Variants in DGKD observed in about 807,000 individuals in gnomAD.
The protein encoded by DGKD is DAG kinase delta.
Under a neutral mutation model 154.4 loss-of-function variants are expected in DGKD, and 68 were observed. The ratio of observed to expected loss-of-function variants is 0.44; its 90% confidence interval spans 0.36 to 0.54. The LOEUF (loss-of-function observed/expected upper bound fraction) is 0.54. Ranked by LOEUF, DGKD falls within the 20% of genes least tolerant of loss-of-function variation. The pLI is 0.00. For synonymous variants in DGKD, 693 were observed against 638.0 expected (o/e 1.09, Z -1.30); for missense variants, 1,343 against 1,593.6 (o/e 0.84, Z 2.68).
intron 3 of DGKD, among the ~76,000 whole-genome samples, chr2:233,424,007 A>C (rs1050882987): frequency 2.0e-5 from 3 of 152,062 alleles, no homozygotes; most frequent in African/African-American, 7.2e-5. Context: ...TTCAGTTCTC[A>C]GTGAGAGGAG....
Position 233,438,563 on chromosome 2 carries a change from CT to C in DGKD, c.1085+187del, listed in dbSNP as rs1402743631. The stretch of plus-strand genomic sequence containing the variant: ...TTAATAGAGGTGCATGGCCTTCCAA[CT>C]TTGAACACAGTGCGCGTGTGCACAC... On this transcript the variant is annotated intron_variant, in intron 9 of 29. Transcript: ENST00000264057. This position sits in a 1 kb window ranked among gnomAD's most constrained non-coding sequence, Gnocchi z 4.1. Among the ~76,000 whole-genome samples, 1 of 152,174 alleles carries C rather than the reference CT, an allele frequency of 6.6e-6. No individual in the cohort carries two copies. The highest frequency in any genetic ancestry group is 1.9e-4 in the East Asian group (1 of 5,190).
intron 17 of DGKD, 82 bp from the exon 18 acceptor site, chr2:233,451,877 ACCGGT>A: frequency 9.2e-7 from 1 of 1,084,290 alleles, no homozygotes; most frequent in Non-Finnish European, 1.4e-6. Context: ...TCTGCAGAAT[ACCGGT>A]CCACCAGCTT....
rs568135773 is a variant in DGKD at position 233,406,733 on chromosome 2, G to A, written c.348+16250G>A. Among the ~76,000 whole-genome samples the A allele has an allele frequency of 7.2e-5, 11 of 152,224 alleles. 1 individual carries two copies. The South Asian group carries it at 2.3e-3, about 32-fold the overall frequency. ...TAGGCCTCACCAGACTGCCAGAAGG[G>A]GTCCATGGCACAGAACAGACGAGGA... On this transcript the variant is annotated intron_variant, in intron 3 of 29. Transcript: ENST00000264057.
At chr2:233,425,814 G>A (rs2062278459) in intron 3 of DGKD, among the ~76,000 whole-genome samples, 2 of 152,128 alleles carry the variant, frequency 1.3e-5, no homozygotes, top group Admixed American at 1.3e-4. Flanking sequence ...CTATTTGTTT[G>A]GTTTCAAATA....
rs1395826052 is a variant in DGKD at position 233,441,344 on chromosome 2, GCAGC to G, written c.1086-541_1086-538del. 6.6e-6 allele frequency among the ~76,000 whole-genome samples: 1 copy of G among 152,190 alleles called. No homozygotes were observed. The highest frequency in any genetic ancestry group is 2.4e-5 in the African/African-American group (1 of 41,440). ...GGACACGCAGCCCGCAGCAGGTCAGGCAGCCTGGGGCTCCAGGGTGACCAGAACA... is the reference window on the plus strand; with the variant it reads ...GGACACGCAGCCCGCAGCAGGTCAGGCTGGGGCTCCAGGGTGACCAGAACA... On this transcript the variant is annotated intron_variant, in intron 9 of 29. Transcript: ENST00000264057. The surrounding 1 kb of genome is among the most constrained non-coding windows in gnomAD (Gnocchi z 5.6).
intron 6 of DGKD, 113 bp from the exon 7 acceptor site, chr2:233,436,203 A>C: frequency 1.5e-4 from 228 of 1,514,870 alleles, no homozygotes; most frequent in Middle Eastern, 3.5e-4. Flanking sequence ...CCATCAGGGA[A>C]GGAGCTTGTT....
intron 24 of DGKD, 107 bp from the exon 25 acceptor site, chr2:233,462,241 T>G (rs1316233085): frequency 5.8e-6 from 5 of 868,032 alleles, no homozygotes; most frequent in East Asian, 2.6e-5. Context: ...GGGCCTGCCC[T>G]CCACATCAGC....
chr2:233,374,122 C>T (rs1702456856), intron 1 of DGKD, among the ~76,000 whole-genome samples: 1 of 150,970 alleles, frequency 6.6e-6, no homozygotes, highest in South Asian at 2.1e-4. Context: ...GTGATCTCGG[C>T]TCACTGCAAC....
chr2:233,445,963 C>G lies in DGKD; in HGVS notation c.1334+201C>G, dbSNP rs1023926553. Among the ~76,000 whole-genome samples the G allele has an allele frequency of 2.0e-5, 3 of 152,150 alleles. No individual in the cohort carries two copies. Among genetic ancestry groups the G allele is most frequent in the Admixed American group, 6.5e-5 (1 of 15,288 alleles). On this transcript the variant is annotated intron_variant, in intron 11 of 29. Transcript: ENST00000264057. The surrounding 1 kb of genome is among the most constrained non-coding windows in gnomAD (Gnocchi z 5.5). ...GATAAAAACAAAACAGGTTAAGAAC[C>G]AGCCATGCCCTAGGATGATCCAGTC...
intron 3 of DGKD, among the ~76,000 whole-genome samples, chr2:233,417,060 T>C (rs572026796): frequency 6.6e-6 from 1 of 152,262 alleles, no homozygotes; most frequent in South Asian, 2.1e-4. Flanking sequence ...TTTGAGACAG[T>C]CTTGCTCTGT....
intron 3 of DGKD, among the ~76,000 whole-genome samples, chr2:233,425,821 A>C (rs1331930945): frequency 1.3e-5 from 2 of 152,210 alleles, no homozygotes; most frequent in Non-Finnish European, 2.9e-5. Flanking sequence ...TTTGGTTTCA[A>C]ATATTTTGTC....
chr2:233,430,215 A>G (rs764361330), intron 3 of DGKD, among the ~76,000 whole-genome samples: 4 of 152,244 alleles, frequency 2.6e-5, no homozygotes, highest in Non-Finnish European at 5.9e-5. Flanking sequence ...TGTCAGGGCA[A>G]TTCTACTTCT....
intron 1 of DGKD, chr2:233,386,144 G>T: frequency 6.3e-6 from 2 of 316,192 alleles, no homozygotes; most frequent in Non-Finnish European, 1.3e-5. Flanking sequence ...CTGGGTTTTG[G>T]GTTGTTGGTT....
intron 3 of DGKD, among the ~76,000 whole-genome samples, chr2:233,415,418 C>T (rs2061936995): frequency 6.6e-6 from 1 of 152,190 alleles, no homozygotes; most frequent in South Asian, 2.1e-4. Context: ...CCGGTGATGT[C>T]AGCTCCTTCA....
rs1299581366 is a variant in DGKD, at chr2:233,470,279, G to A, written c.*819G>A. 6.6e-6 allele frequency: 1 copy of A among 152,510 alleles called. No homozygotes were observed. The highest frequency in any genetic ancestry group is 6.5e-5 in the Admixed American group (1 of 15,296). The allele number at this position is 152,510 out of a possible 1,614,324, so 9.4% of individuals were successfully genotyped here. A position where few individuals can be genotyped will look rare whatever the true frequency, so the allele number is the denominator to read the frequency against. On this transcript the variant is annotated 3_prime_UTR_variant, in exon 30 of 30. Transcript: ENST00000264057. ...CTTGCCAGCTGCATCCCTGCAGACA[G>A]AGGATGTGTGTCCACATGAGTGTTT...
In DGKD at chr2:233,450,045, C is replaced by T; in HGVS notation, c.1952C>T (p.Ser651Leu). Reference protein sequence around the residue: ...QEGFVLGLSESEEKMDHRVCP... With the variant: ...QEGFVLGLSELEEKMDHRVCP... ...GGCTTCGTCCTGGGCCTCTCTGAGT[C>T]AGAGGAGAAGATGGACCACAGAGTG... The change falls in exon 16 of 30, where the codon TCA becomes TTA. Residue 651 changes from serine (S) to leucine (L), a missense_variant. Transcript: ENST00000264057. The T allele has an allele frequency of 6.2e-7, 1 of 1,613,860 alleles. No individual in the cohort carries two copies. The highest frequency in any genetic ancestry group is 8.5e-7 in the Non-Finnish European group (1 of 1,179,946).
chr2:233,370,117 A>G lies in DGKD; in HGVS notation c.156+15443A>G, dbSNP rs575765477. ...TCCCCTACATGGAAATCCCTTCCCC[A>G]TCGTGAGTCACTCCTCATTTCCCCC... On this transcript the variant is annotated intron_variant, in intron 1 of 29. Transcript: ENST00000264057. Among the ~76,000 whole-genome samples, 3 of 152,242 alleles carry G rather than the reference A, an allele frequency of 2.0e-5. No individual in the cohort carries two copies. The South Asian group carries it at 6.2e-4, about 32-fold the overall frequency.
intron 3 of DGKD, among the ~76,000 whole-genome samples, chr2:233,428,538 C>T (rs1240793336): frequency 1.3e-5 from 2 of 152,216 alleles, no homozygotes; most frequent in African/African-American, 4.8e-5. Context: ...GTTGCACCAA[C>T]TGGCACCTCA....
chr2:233,413,178 A>G (rs1248166529), intron 3 of DGKD, among the ~76,000 whole-genome samples: 2 of 152,166 alleles, frequency 1.3e-5, no homozygotes, highest in Non-Finnish European at 2.9e-5. Context: ...CAGGTGGATC[A>G]CTTGAGGCTA....
Sources: allele counts gnomAD v4.1 joint callset (sites outside exome capture counted in the v4.1 genomes callset), GRCh38; gene constraint gnomAD v4.1.1; non-coding constraint Gnocchi (gnomAD v3.1); transcripts MANE v1.5; gene names NCBI Gene and HGNC (gene_info 2026-07-23, HGNC 2026-07-21).